The following ACSL3 variants were observed in gnomAD, a reference collection of about 807,000 sequenced individuals.
ACSL3 encodes the protein acyl-CoA synthetase long chain family member 3, also known as fatty acid CoA ligase Acsl3.
In ACSL3, 34 loss-of-function variants were observed where a neutral mutation model predicts 84.7. The observed-to-expected ratio is 0.40, with a 90% CI of 0.31 to 0.53. The LOEUF (loss-of-function observed/expected upper bound fraction) is 0.53. ACSL3 is among the 20% of genes least tolerant of loss of function. The pLI is 0.48. For synonymous variants in ACSL3, 315 were observed against 299.4 expected (o/e 1.05, Z -0.54); for missense variants, 680 against 873.1 (o/e 0.78, Z 2.79).
chr2:222,913,756 T>C (rs1696502704), intron 4 of ACSL3, among the ~76,000 whole-genome samples: 1 of 152,254 alleles, frequency 6.6e-6, no homozygotes, highest in Non-Finnish European at 1.5e-5. Context: ...TGAGTTTGCC[T>C]GGGTTCATAT....
intron 16 of ACSL3, 76 bp downstream of exon 16, chr2:222,934,763 G>A: frequency 6.8e-7 from 1 of 1,475,726 alleles, no homozygotes; most frequent in Non-Finnish European, 9.2e-7. Flanking sequence ...CTGTTTTAAG[G>A]TTTAGGGTTC....
intron 3 of ACSL3, among the ~76,000 whole-genome samples, chr2:222,904,003 G>A (rs1056854086): frequency 2.0e-5 from 3 of 152,134 alleles, no homozygotes; most frequent in Admixed American, 6.5e-5. Context: ...GGCTGGGCGC[G>A]GTGGCTCACG....
intron 1 of ACSL3, among the ~76,000 whole-genome samples, chr2:222,877,186 G>T (rs1695471133): frequency 6.6e-6 from 1 of 152,146 alleles, no homozygotes; most frequent in African/African-American, 2.4e-5. Flanking sequence ...CAAGGGGATT[G>T]GAGTTCTGGA....
chr2:222,903,490 ACT>A lies in ACSL3; in HGVS notation c.-41+2712_-41+2713del, dbSNP rs145356522. Among the ~76,000 whole-genome samples, 583 of 152,324 alleles carry A rather than the reference ACT, an allele frequency of 3.8e-3. 2 individuals carry two copies. The highest frequency in any genetic ancestry group is 0.02 in the Middle Eastern group (6 of 294). The stretch of plus-strand genomic sequence containing the variant: ...CAAGTTGGAAAGTGCATTGTGAAAC[ACT>A]CAAAGATGTTGCTGGGATTATTTAG... On this transcript the variant is annotated intron_variant, in intron 3 of 16. Transcript: ENST00000357430.
intron 1 of ACSL3, among the ~76,000 whole-genome samples, chr2:222,880,214 T>G (rs1695555021): frequency 6.6e-6 from 1 of 152,240 alleles, no homozygotes; most frequent in South Asian, 2.1e-4. Context: ...TTCTTCTAGA[T>G]AAATGTTAGA....
chr2:222,941,889 TGTCA>T lies in ACSL3; in HGVS notation c.*238_*241del, dbSNP rs1269173730. The T allele has an allele frequency of 2.7e-6, 1 of 375,556 alleles. No individual in the cohort carries two copies. Among genetic ancestry groups the T allele is most frequent in the Non-Finnish European group, 4.7e-6 (1 of 212,524 alleles). 23.3% of individuals were successfully genotyped at this position (375,556 alleles called of 1,614,324 possible). On this transcript the variant is annotated 3_prime_UTR_variant, in exon 17 of 17. Coordinates refer to ENST00000357430, the MANE Select transcript of ACSL3 (RefSeq NM_004457.5). ...TTACTTTACCACCTATGACTGTACT[TGTCA>T]GTATGAGAATTTTTCTGAATCATAT...
At chr2:222,936,144 C>T (rs567540286) in intron 16 of ACSL3, among the ~76,000 whole-genome samples, 9 of 152,098 alleles carry the variant, frequency 5.9e-5, no homozygotes, top group African/African-American at 2.2e-4. Context: ...TTTTCTTTAT[C>T]CATTCATCTG....
At chr2:222,918,765 T>C (rs1414826227) in intron 6 of ACSL3, among the ~76,000 whole-genome samples, 1 of 151,654 alleles carries the variant, frequency 6.6e-6, no homozygotes, top group East Asian at 2.0e-4. Context: ...TTCTGGTTTC[T>C]CTACAGTTTA....
intron 1 of ACSL3, among the ~76,000 whole-genome samples, chr2:222,863,296 TGTG>T (rs1236028902): frequency 3.9e-5 from 6 of 152,324 alleles, no homozygotes; most frequent in South Asian, 4.1e-4. Context: ...TTTGAATTGA[TGTG>T]GTGAGATTTT....
chr2:222,942,213 GT>G lies in ACSL3; in HGVS notation c.*563del, dbSNP rs1482130306. ...GAGAAATAAATATACCCATACTTAT[GT>G]TTTAAGAAGTTGAGATCTTGTGAAT... On this transcript the variant is annotated 3_prime_UTR_variant, in exon 17 of 17. Coordinates refer to ENST00000357430, the MANE Select transcript of ACSL3 (RefSeq NM_004457.5). The G allele has an allele frequency of 5.2e-6, 1 of 190,504 alleles. No individual in the cohort carries two copies. The highest frequency in any genetic ancestry group is 1.1e-5 in the Non-Finnish European group (1 of 90,584). 11.8% of individuals were successfully genotyped at this position (190,504 alleles called of 1,614,324 possible). A position where few individuals can be genotyped will look rare whatever the true frequency, so the allele number is the denominator to read the frequency against.
At chr2:222,922,239 T>C (rs1038034505) in intron 8 of ACSL3, among the ~76,000 whole-genome samples, 1 of 152,178 alleles carries the variant, frequency 6.6e-6, no homozygotes, top group African/African-American at 2.4e-5. Flanking sequence ...AAGAGTCTTA[T>C]CTGTAAAATT....
chr2:222,864,073 G>A (rs1695078551), intron 1 of ACSL3, among the ~76,000 whole-genome samples: 1 of 152,026 alleles, frequency 6.6e-6, no homozygotes, highest in Admixed American at 6.5e-5. Flanking sequence ...AAAATTGTCA[G>A]GATATGGTGA....
intron 3 of ACSL3, among the ~76,000 whole-genome samples, chr2:222,906,706 C>T (rs1452293327): frequency 6.6e-6 from 1 of 152,004 alleles, no homozygotes; most frequent in Non-Finnish European, 1.5e-5. Flanking sequence ...TCTCCGCCTC[C>T]CAGGTTCAAG....
chr2:222,922,666 C>G, intron 8 of ACSL3, 42 bp from the exon 9 acceptor site: 1 of 1,610,724 alleles, frequency 6.2e-7, no homozygotes, highest in South Asian at 1.1e-5. Flanking sequence ...TTGGCATAGA[C>G]GACACCTGAC....
chr2:222,862,695 G>A (rs766256541), intron 1 of ACSL3, among the ~76,000 whole-genome samples: 1 of 126,284 alleles, frequency 7.9e-6, no homozygotes, highest in Non-Finnish European at 1.7e-5. Context: ...ACTTTTCCTG[G>A]TTTCTCTTTT....
intron 1 of ACSL3, among the ~76,000 whole-genome samples, chr2:222,874,718 C>T (rs114777813): frequency 1.1e-3 from 171 of 151,556 alleles, no homozygotes; most frequent in African/African-American, 3.9e-3. Context: ...TTTAGTTAAA[C>T]CAGTCTTAAT....
intron 1 of ACSL3, among the ~76,000 whole-genome samples, chr2:222,872,146 C>T (rs928431551): frequency 2.6e-5 from 4 of 152,068 alleles, no homozygotes; most frequent in East Asian, 1.9e-4. Context: ...TATTTTGAGA[C>T]GGAGTTTCGC....
chr2:222,930,597 T>G, intron 13 of ACSL3, 24 bp from the exon 14 acceptor site: 1 of 1,542,626 alleles, frequency 6.5e-7, no homozygotes, highest in Non-Finnish European at 8.8e-7. Context: ...AACTCAACTA[T>G]TAACTCAATT....
At chr2:222,876,712 C>T (rs1004677944) in intron 1 of ACSL3, among the ~76,000 whole-genome samples, 18 of 151,750 alleles carry the variant, frequency 1.2e-4, no homozygotes, top group African/African-American at 1.9e-4. Context: ...TATTCATACC[C>T]GCTATGTATC....
Sources: gnomAD v4.1 joint callset for allele counts (sites outside exome capture counted in the v4.1 genomes callset) on GRCh38, gnomAD v4.1.1 for gene constraint, MANE v1.5 for transcripts, NCBI Gene and HGNC (gene_info 2026-07-23, HGNC 2026-07-21) for gene names.